Variants in RIMS2 observed in about 807,000 individuals in gnomAD.
RIMS2 encodes the protein regulating synaptic membrane exocytosis 2, also known as regulating synaptic membrane exocytosis protein 2.
A neutral mutation model predicts 174.4 loss-of-function variants in RIMS2; 59 were observed. The ratio of observed to expected loss-of-function variants is 0.34; its 90% CI spans 0.27 to 0.42. RIMS2 has a LOEUF of 0.42. Ranked by LOEUF, RIMS2 falls within the 10% of genes least tolerant of loss-of-function variation. The pLI is 1.00. For missense variants in RIMS2, 1,620 were observed against 1,666.3 expected (o/e 0.97, Z 0.48); for synonymous variants, 606 against 572.5 (o/e 1.06, Z -0.84).
intron 19 of RIMS2, among the ~76,000 whole-genome samples, chr8:104,243,737 T>A (rs2099315321): frequency 6.6e-6 from 1 of 152,206 alleles, no homozygotes; most frequent in Admixed American, 6.5e-5. Flanking sequence ...ACCGTATGGT[T>A]GTATCCCAAA....
chr8:103,695,814 T>G (rs2097094463), intron 1 of RIMS2, among the ~76,000 whole-genome samples: 1 of 152,038 alleles, frequency 6.6e-6, no homozygotes, highest in Admixed American at 6.5e-5. Flanking sequence ...AAGAGTAATC[T>G]TCTCTAATTC....
intron 1 of RIMS2, among the ~76,000 whole-genome samples, chr8:103,579,372 A>C (rs1402388038): frequency 6.6e-6 from 1 of 152,166 alleles, no homozygotes; most frequent in East Asian, 1.9e-4. Flanking sequence ...AAACATCTGA[A>C]GGTATAAAAC....
intron 16 of RIMS2, among the ~76,000 whole-genome samples, chr8:103,982,072 A>G (rs1226789500): frequency 5.3e-5 from 8 of 152,198 alleles, no homozygotes; most frequent in Non-Finnish European, 2.9e-5. Flanking sequence ...ATAAGGACAC[A>G]TTACAATTGA....
chr8:103,875,418 G>A (rs769825881), intron 3 of RIMS2, among the ~76,000 whole-genome samples: 1 of 151,746 alleles, frequency 6.6e-6, no homozygotes, highest in Non-Finnish European at 1.5e-5. Context: ...CAGTTCCATC[G>A]AAGTTGCTGC....
intron 1 of RIMS2, among the ~76,000 whole-genome samples, chr8:103,531,957 C>T (rs1837391876): frequency 6.6e-6 from 1 of 152,048 alleles, no homozygotes; most frequent in African/African-American, 2.4e-5. Flanking sequence ...TGACACTATG[C>T]AATATTAAAT....
chr8:104,255,360 T>C (rs2140402962), downstream of RIMS2: 1 of 152,230 alleles, frequency 6.6e-6, no homozygotes, highest in Admixed American at 6.5e-5. Context: ...TTCCTGTTTC[T>C]TTGTTGTTCA....
chr8:103,812,331 G>GTTTTTTTTTTT (rs71575985), intron 3 of RIMS2, among the ~76,000 whole-genome samples: 169 of 111,564 alleles, frequency 1.5e-3, no homozygotes, highest in East Asian at 7.3e-3. Flanking sequence ...TTATTACCTT[G>GTTTTTTTTTTT]TTTTTTTTTT....
intron 1 of RIMS2, among the ~76,000 whole-genome samples, chr8:103,504,808 T>A (rs2130870820): frequency 6.6e-6 from 1 of 151,092 alleles, no homozygotes; most frequent in African/African-American, 2.4e-5. Context: ...AATTTTGAAA[T>A]AAAATCTTTT....
intron 14 of RIMS2, among the ~76,000 whole-genome samples, chr8:103,951,167 C>T (rs907414202): frequency 3.3e-5 from 5 of 152,202 alleles, no homozygotes; most frequent in South Asian, 2.1e-4. Flanking sequence ...TAACATTCCA[C>T]GTTTCTTCAT....
rs1324047857 is a variant in RIMS2 at position 103,732,290 on chromosome 8, A to C, written c.388-33937A>C. ...ACTCTTGTCTTCCCTTCCTTTCTCCAAAGAAATGGAGCCTCTCTTTGTGCT... is the reference window on the plus strand; with the variant it reads ...ACTCTTGTCTTCCCTTCCTTTCTCCCAAGAAATGGAGCCTCTCTTTGTGCT... On this transcript the variant is annotated intron_variant, in intron 2 of 23. Transcript: ENST00000504942. Among the ~76,000 whole-genome samples the C allele has an allele frequency of 3.3e-5, 5 of 152,278 alleles. No individual in the cohort carries two copies. In the East Asian group the frequency reaches 9.7e-4, roughly 29 times the overall value.
chr8:103,787,869 C>T (rs1299955742), intron 3 of RIMS2, among the ~76,000 whole-genome samples: 1 of 152,108 alleles, frequency 6.6e-6, no homozygotes, highest in Non-Finnish European at 1.5e-5. Flanking sequence ...AGAGTGTTTT[C>T]CAACTTGGTT....
chr8:103,663,184 A>AAT (rs1554723011), intron 1 of RIMS2, among the ~76,000 whole-genome samples: 2 of 138,250 alleles, frequency 1.4e-5, no homozygotes, highest in African/African-American at 5.3e-5. Context: ...AAAAAAAAAA[A>AAT]TTTTTTTTCT....
At chr8:104,047,248 A>C (rs1280897653) in intron 19 of RIMS2, among the ~76,000 whole-genome samples, 1 of 152,122 alleles carries the variant, frequency 6.6e-6, no homozygotes, top group East Asian at 1.9e-4. Context: ...TTGGAAATTA[A>C]AGGATGTTAC....
chr8:103,597,731 T>A (rs1487511271), intron 1 of RIMS2, among the ~76,000 whole-genome samples: 2 of 152,128 alleles, frequency 1.3e-5, no homozygotes, highest in Non-Finnish European at 1.5e-5. Context: ...GTTATTATTT[T>A]TTTTTTTATT....
chr8:103,966,779 C>A (rs539160830), intron 15 of RIMS2, among the ~76,000 whole-genome samples: 1 of 152,096 alleles, frequency 6.6e-6, no homozygotes, highest in South Asian at 2.1e-4. Flanking sequence ...CTTCTAAGTA[C>A]TGCTTTCACT....
intron 19 of RIMS2, among the ~76,000 whole-genome samples, chr8:104,021,401 A>AT (rs1175106333): frequency 2.0e-5 from 3 of 152,150 alleles, no homozygotes; most frequent in Admixed American, 2.0e-4. Flanking sequence ...ATTTTTACCT[A>AT]TTTCACGAGC....
At chr8:103,683,283 C>T (rs1023576767) in intron 1 of RIMS2, among the ~76,000 whole-genome samples, 1 of 152,092 alleles carries the variant, frequency 6.6e-6, no homozygotes, top group Admixed American at 6.6e-5. Context: ...AAACTGAACG[C>T]GAGTGGGCAG....
At chr8:103,596,138 A>G (rs2094470701) in intron 1 of RIMS2, among the ~76,000 whole-genome samples, 1 of 152,026 alleles carries the variant, frequency 6.6e-6, no homozygotes, top group Non-Finnish European at 1.5e-5. Context: ...ATAATAAGCC[A>G]ATTAATTGAA....
rs556243248 is a variant in RIMS2, at chr8:103,751,217, A to G, written c.388-15010A>G. Reference sequence around the variant, plus strand: ...CGGTGTTTGGTTTTTTGTCCTTGCGATAGTTTACTGAGAATGATGGTTTCC... The same window carrying G: ...CGGTGTTTGGTTTTTTGTCCTTGCGGTAGTTTACTGAGAATGATGGTTTCC... On this transcript the variant is annotated intron_variant, in intron 2 of 23. Transcript: ENST00000504942. 3.3e-5 allele frequency among the ~76,000 whole-genome samples: 5 copies of G among 152,182 alleles called. No individual in the cohort carries two copies. In the East Asian group the frequency reaches 9.7e-4, roughly 29 times the overall value.
Sources: gnomAD v4.1 joint callset for allele counts (sites outside exome capture counted in the v4.1 genomes callset) on GRCh38, gnomAD v4.1.1 for gene constraint, MANE v1.5 for transcripts, NCBI Gene and HGNC (gene_info 2026-07-23, HGNC 2026-07-21) for gene names.